PLD5: variants seen among roughly 807,000 people sequenced by gnomAD.
PLD5 encodes the protein phospholipase D family member 5, also known as inactive phospholipase D5.
Under a neutral mutation model 61.1 loss-of-function variants are expected in PLD5, and 36 were observed. That is an observed-to-expected ratio of 0.59 (90% CI 0.45 to 0.78). The LOEUF is 0.78. PLD5 is among the 30% of genes least tolerant of loss of function. The pLI is 0.00. For missense variants in PLD5, 515 were observed against 644.4 expected, an observed-to-expected ratio of 0.80 and a Z score of 2.17; for synonymous variants, 243 against 242.8, an observed-to-expected ratio of 1.00 and a Z score of -0.01.
intron 5 of PLD5, among the ~76,000 whole-genome samples, chr1:242,156,892 G>C (rs1310536670): frequency 6.6e-6 from 1 of 152,098 alleles, no homozygotes; most frequent in African/African-American, 2.4e-5. Context: ...GAATTTGAAT[G>C]TTGGCCTGTC....
At chr1:242,225,662 C>T (rs1670895710) in intron 4 of PLD5, among the ~76,000 whole-genome samples, 1 of 152,230 alleles carries the variant, frequency 6.6e-6, no homozygotes, top group Admixed American at 6.5e-5. Flanking sequence ...ATGCACCACA[C>T]ATAACGCACG....
At chr1:242,285,563 C>T (rs561632484) in intron 3 of PLD5, among the ~76,000 whole-genome samples, 1 of 151,714 alleles carries the variant, frequency 6.6e-6, no homozygotes, top group Non-Finnish European at 1.5e-5. Flanking sequence ...CTAGCCTCTA[C>T]TCCTATCATT....
chr1:242,518,742 T>C (rs1446906816), intron 1 of PLD5, among the ~76,000 whole-genome samples: 3 of 152,242 alleles, frequency 2.0e-5, no homozygotes, highest in Non-Finnish European at 4.4e-5. Flanking sequence ...TCAAATTAAA[T>C]ATATTAAATA....
intron 1 of PLD5, among the ~76,000 whole-genome samples, chr1:242,429,849 AT>A (rs1665624367): frequency 1.3e-5 from 2 of 152,244 alleles, no homozygotes; most frequent in Non-Finnish European, 2.9e-5. Context: ...TATAGATGCA[AT>A]AAGAAACGAA....
chr1:242,492,870 T>C (rs1668210959), intron 1 of PLD5, among the ~76,000 whole-genome samples: 1 of 152,096 alleles, frequency 6.6e-6, no homozygotes, highest in Admixed American at 6.5e-5. Context: ...TATAAGTGCA[T>C]TAATCCTATT....
At chr1:242,526,274 T>A (rs1219309881), upstream of PLD5, among the ~76,000 whole-genome samples, 1 of 152,038 alleles carries the variant, frequency 6.6e-6, no homozygotes, top group African/African-American at 2.4e-5. Flanking sequence ...TGGTTTCAGC[T>A]ACCTGGGAGG....
chr1:242,384,226 G>T (rs1009702684), intron 1 of PLD5, among the ~76,000 whole-genome samples: 2 of 152,130 alleles, frequency 1.3e-5, no homozygotes, highest in Non-Finnish European at 2.9e-5. Flanking sequence ...AGAAGAAAAC[G>T]CACCATTAAA....
chr1:242,168,845 A>ATTTTTTTTTTTTTTTTTTT (rs1574439363), intron 5 of PLD5, among the ~76,000 whole-genome samples: 2 of 29,242 alleles, frequency 6.8e-5, no homozygotes, highest in Non-Finnish European at 5.4e-5. Flanking sequence ...TAATTAATGA[A>ATTTTTTTTTTTTTTTTTTT]GTTTTTTTTT....
chr1:242,503,494 C>A (rs984741489), intron 1 of PLD5, among the ~76,000 whole-genome samples: 1 of 152,160 alleles, frequency 6.6e-6, no homozygotes, highest in Non-Finnish European at 1.5e-5. Flanking sequence ...TCATTTATTT[C>A]TTTATAGCAA....
chr1:242,175,053 A>G (rs1214567057), intron 5 of PLD5, among the ~76,000 whole-genome samples: 1 of 152,144 alleles, frequency 6.6e-6, no homozygotes, highest in African/African-American at 2.4e-5. Context: ...ATAAAAAAAA[A>G]CTATTCCAAA....
At chr1:242,344,507 G>C (rs1312816791) in intron 2 of PLD5, among the ~76,000 whole-genome samples, 1 of 152,178 alleles carries the variant, frequency 6.6e-6, no homozygotes, top group East Asian at 1.9e-4. Context: ...GGGAGGAAAA[G>C]GAAGTAGGTT....
At chr1:242,459,246 G>A (rs892431094) in intron 1 of PLD5, among the ~76,000 whole-genome samples, 20 of 152,252 alleles carry the variant, frequency 1.3e-4, no homozygotes, top group South Asian at 6.2e-4. Context: ...TCAGTAAAAC[G>A]CCATTTACAA....
chr1:242,275,975 C>A (rs1285023060), intron 3 of PLD5, among the ~76,000 whole-genome samples: 1 of 151,996 alleles, frequency 6.6e-6, no homozygotes, highest in Non-Finnish European at 1.5e-5. Context: ...ATGATAGTTA[C>A]AGGGGAGAAC....
chr1:242,297,708 C>T (rs1349749195), intron 2 of PLD5, among the ~76,000 whole-genome samples: 12 of 145,388 alleles, frequency 8.3e-5, no homozygotes, highest in African/African-American at 2.8e-4. Flanking sequence ...GGCGCAATCT[C>T]GGCTCACTGC....
intron 3 of PLD5, among the ~76,000 whole-genome samples, chr1:242,276,890 G>A (rs1026572480): frequency 2.6e-5 from 4 of 152,098 alleles, no homozygotes; most frequent in African/African-American, 9.7e-5. Flanking sequence ...CTTGCTTAAT[G>A]ATGGTTATCT....
At chr1:242,172,044 T>G (rs1297631932) in intron 5 of PLD5, among the ~76,000 whole-genome samples, 3 of 152,216 alleles carry the variant, frequency 2.0e-5, no homozygotes, top group Non-Finnish European at 4.4e-5. Flanking sequence ...AATAGACATC[T>G]ACAGAACTCT....
chr1:242,271,675 C>T (rs1674096434), intron 3 of PLD5, among the ~76,000 whole-genome samples: 1 of 152,146 alleles, frequency 6.6e-6, no homozygotes, highest in African/African-American at 2.4e-5. Flanking sequence ...GACTTAGAGA[C>T]TATCTTGCCT....
At chr1:242,469,531 G>A (rs1170027897) in intron 1 of PLD5, among the ~76,000 whole-genome samples, 6 of 151,978 alleles carry the variant, frequency 3.9e-5, no homozygotes, top group African/African-American at 7.3e-5. Flanking sequence ...CTTTGTTTTC[G>A]ATAGGGTCTT....
At chr1:242,292,206 T>C (rs1457653594) in intron 2 of PLD5, among the ~76,000 whole-genome samples, 1 of 152,176 alleles carries the variant, frequency 6.6e-6, no homozygotes, top group Non-Finnish European at 1.5e-5. Flanking sequence ...TAATCCCAGA[T>C]ACTCAGTAGT....
Sources: allele counts gnomAD v4.1 joint callset (sites outside exome capture counted in the v4.1 genomes callset), GRCh38; gene constraint gnomAD v4.1.1; transcripts MANE v1.5; gene names NCBI Gene and HGNC (gene_info 2026-07-23, HGNC 2026-07-21).